TRMU: variants seen among roughly 807,000 people sequenced by gnomAD.
The protein encoded by TRMU is mitochondrial tRNA-specific 2-thiouridylase 1.
A neutral mutation model predicts 46.9 loss-of-function variants in TRMU; 49 were observed. The ratio of observed to expected loss-of-function variants is 1.05; its 90% CI spans 0.83 to 1.33. The LOEUF is 1.33. Among genes scored for constraint, TRMU ranks in the 40% most tolerant of loss-of-function variants. The pLI is 0.00. For missense variants in TRMU, 572 were observed against 532.4 expected (o/e 1.07, Z -0.73); for synonymous variants, 241 against 200.9 (o/e 1.20, Z -1.69).
chr22:46,353,268 G>A (rs1186279464), intron 7 of TRMU: 3 of 195,260 alleles, frequency 1.5e-5, no homozygotes, highest in Non-Finnish European at 3.2e-5. Flanking sequence ...TAAATCCCAT[G>A]AGGTTCTCTC....
intron 2 of TRMU, among the ~76,000 whole-genome samples, chr22:46,341,765 C>T (rs924886010): frequency 6.6e-6 from 1 of 152,126 alleles, no homozygotes; most frequent in South Asian, 2.1e-4. Flanking sequence ...TTCAGTCAGT[C>T]TGTTAGAGCA....
intron 2 of TRMU, among the ~76,000 whole-genome samples, chr22:46,340,473 A>G (rs1169261600): frequency 4.6e-5 from 7 of 152,246 alleles, no homozygotes; most frequent in African/African-American, 1.7e-4. Flanking sequence ...AGCTGAGGCC[A>G]GATAGGAAGA....
rs1202257170 is a variant in TRMU, at chr22:46,339,822, G to A, written c.248+1878G>A. On this transcript the variant is annotated intron_variant, in intron 2 of 10. Transcript: ENST00000645190. The surrounding 1 kb of genome is among the most constrained non-coding windows in gnomAD (Gnocchi z 4.8). ...ATTAACAACATGGACAAAACTGATG[G>A]CTGAATTTTCCTGGGGAAAGTTACC... Among the ~76,000 whole-genome samples the A allele has an allele frequency of 6.6e-6, 1 of 152,008 alleles. No individual in the cohort carries two copies. Among genetic ancestry groups the A allele is most frequent in the Non-Finnish European group, 1.5e-5 (1 of 68,020 alleles).
Position 46,335,804 on chromosome 22 carries a change from G to T in TRMU, c.40G>T (p.Gly14Cys). The change falls in exon 1 of 11, where the codon GGC (glycine) becomes TGC (cysteine). Residue 14 changes from glycine (G) to cysteine (C), a missense_variant. Transcript: ENST00000645190. ...LRHVVCALSG[G>C]VDSAVAALLL... Reference sequence around the variant, plus strand: ...GCACGTCGTGTGCGCCCTGTCCGGCGGCGTGGACAGCGCCGTGGCCGCGCT... The same window carrying T: ...GCACGTCGTGTGCGCCCTGTCCGGCTGCGTGGACAGCGCCGTGGCCGCGCT... 2 of 1,561,752 alleles carry T rather than the reference G, an allele frequency of 1.3e-6. No individual in the cohort carries two copies. The highest frequency in any genetic ancestry group is 1.7e-6 in the Non-Finnish European group (2 of 1,158,874).
At position 46,342,155 on chromosome 22, in the gene TRMU, C is replaced by T. The variant is rs1328655783; in HGVS notation, c.249-1107C>T. On this transcript the variant is annotated intron_variant, in intron 2 of 10. Transcript: ENST00000645190. The surrounding 1 kb of genome is among the most constrained non-coding windows in gnomAD (Gnocchi z 4.7). ...CAGTCCCCCAGACGGACTCCCCCCA[C>T]AACAGCAGTCGAAAGTATGGGCCTC... is the stretch of plus-strand genomic sequence containing the variant. Among the ~76,000 whole-genome samples, 1 of 152,246 alleles carries T rather than the reference C, an allele frequency of 6.6e-6. No individual in the cohort carries two copies. The highest frequency in any genetic ancestry group is 1.5e-5 in the Non-Finnish European group (1 of 68,050).
chr22:46,335,760 G>A lies in TRMU; in HGVS notation c.-5G>A. ...CTGCAGCTGGCGAAGTTGGGCGACT[G>A]GCGGATGCAGGCCTTGCGGCACGTC... On this transcript the variant is annotated 5_prime_UTR_variant, in exon 1 of 11. Coordinates refer to ENST00000645190, the MANE Select transcript of TRMU (RefSeq NM_018006.5). 2.6e-6 allele frequency: 4 copies of A among 1,550,566 alleles called. No individual in the cohort carries two copies. Among genetic ancestry groups the A allele is most frequent in the Non-Finnish European group, 3.5e-6 (4 of 1,151,666 alleles).
chr22:46,355,729 C>G (rs2078583690), intron 9 of TRMU, 141 bp downstream of exon 9: 9 of 1,408,442 alleles, frequency 6.4e-6, no homozygotes, highest in Non-Finnish European at 8.8e-6. Flanking sequence ...GTATTTAGAA[C>G]TCCCGTGTCC....
chr22:46,354,114 C>G (rs765398210), intron 8 of TRMU: 2 of 448,572 alleles, frequency 4.5e-6, no homozygotes, highest in East Asian at 4.3e-5. Context: ...TACACAGATA[C>G]AGTTTCTCCA....
At chr22:46,344,235 C>A (rs1025451627) in intron 3 of TRMU, among the ~76,000 whole-genome samples, 9 of 152,288 alleles carry the variant, frequency 5.9e-5, no homozygotes, top group African/African-American at 2.2e-4. Flanking sequence ...CCCAGGCTGA[C>A]TGAGCCAGTA....
Position 46,351,406 on chromosome 22 carries a change from G to A in TRMU, c.652-715G>A, listed in dbSNP as rs1427968433. On this transcript the variant is annotated intron_variant, in intron 5 of 10. Coordinates refer to ENST00000645190, the MANE Select transcript of TRMU (RefSeq NM_018006.5). The surrounding 1 kb of genome is among the most constrained non-coding windows in gnomAD (Gnocchi z 6.4). ...GGGATGGAGGGCGAGGGCGCTGTGG[G>A]ATGAGCCTCACCTCTTCAGGGGCCA... Among the ~76,000 whole-genome samples, 2 of 152,224 alleles carry A rather than the reference G, an allele frequency of 1.3e-5. No homozygotes were observed. Among genetic ancestry groups the A allele is most frequent in the Non-Finnish European group, 2.9e-5 (2 of 68,026 alleles).
Position 46,351,983 on chromosome 22 carries a change from G to A in TRMU, c.652-138G>A. The A allele has an allele frequency of 2.2e-6, 2 of 924,402 alleles. No individual in the cohort carries two copies. Among genetic ancestry groups the A allele is most frequent in the Admixed American group, 1.7e-5 (1 of 58,848 alleles). The allele number at this position is 924,402 out of a possible 1,614,324, so 57.3% of individuals were successfully genotyped here. A position where few individuals can be genotyped will look rare whatever the true frequency, so the allele number is the denominator to read the frequency against. On this transcript the variant is annotated intron_variant, in intron 5 of 10. Transcript: ENST00000645190. This position sits in a 1 kb window ranked among gnomAD's most constrained non-coding sequence, Gnocchi z 6.4. The stretch of plus-strand genomic sequence containing the variant: ...CTGTGACTGGCGGCCGAGGGTGCCG[G>A]TGGGCAGCCGGGCCCCTACCCTGGA...
intron 7 of TRMU, chr22:46,353,528 A>G: frequency 2.2e-6 from 1 of 448,674 alleles, no homozygotes; most frequent in Non-Finnish European, 4.2e-6. Flanking sequence ...CTGGGGCACA[A>G]GGTGCCTTCT....
rs115798137 is a variant in TRMU, at chr22:46,337,998, G to A, written c.248+54G>A. ...CTTCCTCACACTGTGGATCCTTGCA[G>A]TGGAAGGATCCGGTAACCAGCCAGA... On this transcript the variant is annotated intron_variant, in intron 2 of 10. Transcript: ENST00000645190. 2.5e-6 allele frequency: 4 copies of A among 1,606,226 alleles called. No individual in the cohort carries two copies. In the East Asian group the frequency reaches 8.9e-5, roughly 36 times the overall value.
At chr22:46,341,849 T>G (rs932817241) in intron 2 of TRMU, among the ~76,000 whole-genome samples, 6 of 152,214 alleles carry the variant, frequency 3.9e-5, no homozygotes, top group African/African-American at 1.4e-4. Flanking sequence ...AAGTGTGTGT[T>G]TGTCACCTGA....
At chr22:46,355,152 G>A (rs2078558806) in intron 8 of TRMU, 1 of 535,358 alleles carries the variant, frequency 1.9e-6, no homozygotes, top group South Asian at 2.1e-5. Context: ...GCCTGAGTCA[G>A]ACTTGAACCT....
chr22:46,350,006 G>C lies in TRMU; in HGVS notation c.479-285G>C. On this transcript the variant is annotated intron_variant, in intron 4 of 10. Coordinates refer to ENST00000645190, the MANE Select transcript of TRMU (RefSeq NM_018006.5). This position sits in a 1 kb window ranked among gnomAD's most constrained non-coding sequence, Gnocchi z 4.6. ...TTTTTTTTTTTTTTTCTTATCACTT[G>C]AGAACATTTTTTCATGTGATGTTTC... Among the ~76,000 whole-genome samples, 1 of 147,038 alleles carries C rather than the reference G, an allele frequency of 6.8e-6. No homozygotes were observed.
At position 46,355,712 on chromosome 22, in the gene TRMU, A is replaced by G. The variant is rs935741800; in HGVS notation, c.1018+124A>G. The G allele has an allele frequency of 4.7e-6, 7 of 1,503,404 alleles. No homozygotes were observed. The Admixed American group carries it at 5.5e-5, about 12-fold the overall frequency. 93.1% of individuals were successfully genotyped at this position (1,503,404 alleles called of 1,614,324 possible). A position where few individuals can be genotyped will look rare whatever the true frequency, so the allele number is the denominator to read the frequency against. ...CCGTTGTGGAGATCATTTGGAGATT[A>G]CCTAAAGTATTTAGAACTCCCGTGT... On this transcript the variant is annotated intron_variant, in intron 9 of 10. Transcript: ENST00000645190.
rs2078071241 is a variant in TRMU, at chr22:46,339,705, GTAAAT to G, written c.248+1763_248+1767del. On this transcript the variant is annotated intron_variant, in intron 2 of 10. Coordinates refer to ENST00000645190, the MANE Select transcript of TRMU (RefSeq NM_018006.5). This position sits in a 1 kb window ranked among gnomAD's most constrained non-coding sequence, Gnocchi z 4.8. ...ATAAAACGAAATTTAGAGAGATTAAGTAAATTGACTATGGTCACCTAAATAATCAA... is the reference window on the plus strand; with the variant it reads ...ATAAAACGAAATTTAGAGAGATTAAGTGACTATGGTCACCTAAATAATCAA... Among the ~76,000 whole-genome samples the G allele has an allele frequency of 6.6e-6, 1 of 152,190 alleles. No homozygotes were observed. The highest frequency in any genetic ancestry group is 2.1e-4 in the South Asian group (1 of 4,836).
intron 7 of TRMU, chr22:46,352,611 C>T: frequency 1.9e-6 from 1 of 533,348 alleles, no homozygotes; most frequent in East Asian, 3.3e-5. Context: ...GTATCAAGTC[C>T]CTGTAAAAAG....
Sources: gnomAD v4.1 joint callset for allele counts (sites outside exome capture counted in the v4.1 genomes callset) on GRCh38, gnomAD v4.1.1 for gene constraint, Gnocchi (gnomAD v3.1) non-coding constraint, MANE v1.5 for transcripts, NCBI Gene and HGNC (gene_info 2026-07-23, HGNC 2026-07-21) for gene names.